CCNY: variants seen among roughly 807,000 people sequenced by gnomAD.
The protein encoded by CCNY is cyclin-Y.
Under a neutral mutation model 42.8 loss-of-function variants are expected in CCNY, and 19 were observed. The ratio of observed to expected loss-of-function variants is 0.44; its 90% CI spans 0.31 to 0.65. The LOEUF (loss-of-function observed/expected upper bound fraction) is 0.65. Ranked by LOEUF, CCNY falls within the 30% of genes least tolerant of loss-of-function variation. The pLI, the probability that CCNY is intolerant of heterozygous loss-of-function variation, is 0.07. For synonymous variants in CCNY, 165 were observed against 162.7 expected (o/e 1.01, Z -0.11); for missense variants, 370 against 437.3 (o/e 0.85, Z 1.37).
chr10:35,539,526 C>A (rs183013021), intron 7 of CCNY, among the ~76,000 whole-genome samples: 1 of 152,152 alleles, frequency 6.6e-6, no homozygotes, highest in Non-Finnish European at 1.5e-5. Flanking sequence ...CAGTGGCTCA[C>A]GCCTGTAATC....
At chr10:35,409,595 C>A (rs1368319529) in intron 1 of CCNY, among the ~76,000 whole-genome samples, 2 of 152,102 alleles carry the variant, frequency 1.3e-5, no homozygotes, top group African/African-American at 4.8e-5. Context: ...AAATGCAATT[C>A]TAAAATTAAA....
intron 1 of CCNY, among the ~76,000 whole-genome samples, chr10:35,391,698 G>C (rs112667643): frequency 6.6e-6 from 1 of 152,158 alleles, no homozygotes; most frequent in Non-Finnish European, 1.5e-5. Context: ...TGCCTTACTG[G>C]ATGGCGGCAA....
chr10:35,415,321 C>G (rs1398445045), intron 1 of CCNY, among the ~76,000 whole-genome samples: 1 of 151,670 alleles, frequency 6.6e-6, no homozygotes, highest in Admixed American at 6.6e-5. Flanking sequence ...AGAGATAGAG[C>G]CTGGTCCTGA....
At chr10:35,302,588 G>T (rs944262316) in intron 3 of CCNY, among the ~76,000 whole-genome samples, 6 of 152,162 alleles carry the variant, frequency 3.9e-5, no homozygotes, top group African/African-American at 1.4e-4. Context: ...TGGGATTATA[G>T]GCATGAGCCA....
At chr10:35,322,185 C>G (rs1835829240) in intron 3 of CCNY, among the ~76,000 whole-genome samples, 1 of 152,052 alleles carries the variant, frequency 6.6e-6, no homozygotes, top group African/African-American at 2.4e-5. Context: ...GAAACCCTGT[C>G]TCTACTAAAA....
chr10:35,318,653 A>T (rs1835787740), intron 3 of CCNY, among the ~76,000 whole-genome samples: 1 of 152,160 alleles, frequency 6.6e-6, no homozygotes, highest in African/African-American at 2.4e-5. Flanking sequence ...AATATTGAAA[A>T]GCAAGGGCTT....
chr10:35,331,893 A>T (rs1835948517), upstream of CCNY, among the ~76,000 whole-genome samples: 1 of 152,164 alleles, frequency 6.6e-6, no homozygotes, highest in African/African-American at 2.4e-5. Flanking sequence ...ATTGCTGGAA[A>T]CTTGTTCTTG....
upstream of CCNY, chr10:35,336,365 G>A (rs899129088): frequency 1.6e-4 from 24 of 152,052 alleles, no homozygotes; most frequent in African/African-American, 5.8e-4. Context: ...CCCCGGGAGC[G>A]ATCCCACAAC....
intron 2 of CCNY, among the ~76,000 whole-genome samples, chr10:35,494,503 C>T (rs1839968862): frequency 6.6e-6 from 1 of 152,010 alleles, no homozygotes; most frequent in Non-Finnish European, 1.5e-5. Flanking sequence ...TCATAATCAT[C>T]TAGAAATAGT....
intron 3 of CCNY, among the ~76,000 whole-genome samples, chr10:35,286,436 G>A (rs951072703): frequency 1.3e-5 from 2 of 150,300 alleles, no homozygotes; most frequent in East Asian, 3.9e-4. Context: ...GTGGCTCACT[G>A]CAACCTCCAG....
intron 3 of CCNY, among the ~76,000 whole-genome samples, chr10:35,294,187 G>C (rs1835445971): frequency 6.6e-6 from 1 of 152,154 alleles, no homozygotes; most frequent in East Asian, 1.9e-4. Context: ...GGATATTCTA[G>C]ATACAAGATC....
At chr10:35,361,713 T>G (rs1438498539) in intron 1 of CCNY, among the ~76,000 whole-genome samples, 2 of 152,250 alleles carry the variant, frequency 1.3e-5, no homozygotes, top group East Asian at 3.8e-4. Context: ...GAGAACCATA[T>G]TACATTATGT....
At chr10:35,508,096 G>T (rs1437741348) in intron 3 of CCNY, among the ~76,000 whole-genome samples, 1 of 152,106 alleles carries the variant, frequency 6.6e-6, no homozygotes, top group East Asian at 1.9e-4. Context: ...CCCACCCCCA[G>T]ATTTAGCATC....
intron 1 of CCNY, among the ~76,000 whole-genome samples, chr10:35,404,182 A>C (rs974062122): frequency 6.6e-6 from 1 of 152,208 alleles, no homozygotes; most frequent in Admixed American, 6.5e-5. Context: ...TGTGATTTTG[A>C]GGGCCTCTAA....
chr10:35,385,697 TAAG>T (rs1369885276), intron 1 of CCNY, among the ~76,000 whole-genome samples: 1 of 152,208 alleles, frequency 6.6e-6, no homozygotes, highest in Non-Finnish European at 1.5e-5. Flanking sequence ...TAATAATAGA[TAAG>T]AACGTTTTAA....
chr10:35,264,667 G>C (rs925512931), intron 3 of CCNY, among the ~76,000 whole-genome samples: 4 of 151,318 alleles, frequency 2.6e-5, no homozygotes, highest in African/African-American at 9.7e-5. Flanking sequence ...GTTTTGTTTT[G>C]TTTTTGAGCC....
chr10:35,454,494 C>G (rs1426610239), intron 1 of CCNY, among the ~76,000 whole-genome samples: 2 of 152,214 alleles, frequency 1.3e-5, no homozygotes, highest in Admixed American at 6.5e-5. Flanking sequence ...CCCTTGAAAA[C>G]CTGGAGCCTG....
At chr10:35,360,308 A>G (rs1836655185) in intron 1 of CCNY, among the ~76,000 whole-genome samples, 1 of 117,634 alleles carries the variant, frequency 8.5e-6, no homozygotes, top group African/African-American at 3.4e-5. Flanking sequence ...TTTTTTTGAG[A>G]TAGAGTCTCA....
Position 35,483,950 on chromosome 10 carries a change from C to T in CCNY, c.229+472C>T, listed in dbSNP as rs377060831. On this transcript the variant is annotated intron_variant, in intron 2 of 9. Transcript: ENST00000374704. ...GTTTTCTTTCTCTTTTTTTTTCCAC[C>T]TCTATAATAATAACAACCATATCTA... 5.9e-5 allele frequency among the ~76,000 whole-genome samples: 9 copies of T among 152,100 alleles called. No homozygotes were observed. In the East Asian group the frequency reaches 1.2e-3, roughly 20 times the overall value.
Sources: gnomAD v4.1 joint callset for allele counts (sites outside exome capture counted in the v4.1 genomes callset) on GRCh38, gnomAD v4.1.1 for gene constraint, MANE v1.5 for transcripts, NCBI Gene and HGNC (gene_info 2026-07-23, HGNC 2026-07-21) for gene names.